Variants in PEBP4 observed in about 807,000 individuals in gnomAD.
The protein encoded by PEBP4 is phosphatidylethanolamine-binding protein 4.
In PEBP4, 22 loss-of-function variants were observed where a neutral mutation model predicts 23.9. The observed-to-expected ratio is 0.92, with a 90% CI of 0.66 to 1.31. The LOEUF is 1.31. Ranked by LOEUF, PEBP4 falls within the 40% of genes most tolerant of loss-of-function variation. The pLI, the probability that PEBP4 is intolerant of heterozygous loss-of-function variation, is 0.00. For missense variants in PEBP4, 324 were observed against 281.7 expected, an observed-to-expected ratio of 1.15 and a Z score of -1.07; for synonymous variants, 112 against 99.3, an observed-to-expected ratio of 1.13 and a Z score of -0.76.
At chr8:22,723,626 T>A (rs1227171057) in intron 6 of PEBP4, among the ~76,000 whole-genome samples, 2 of 152,242 alleles carry the variant, frequency 1.3e-5, no homozygotes, top group Non-Finnish European at 2.9e-5. Flanking sequence ...TTTCTTGGTC[T>A]GGGCAAGATA....
chr8:22,893,894 C>T (rs1401558571), intron 3 of PEBP4, among the ~76,000 whole-genome samples: 1 of 152,054 alleles, frequency 6.6e-6, no homozygotes, highest in African/African-American at 2.4e-5. Flanking sequence ...TATTAGAAGA[C>T]ATAATGGCTG....
At position 22,844,049 on chromosome 8, in the gene PEBP4, G is replaced by C. The variant is rs367888864; in HGVS notation, c.259-26314C>G. Among the ~76,000 whole-genome samples the C allele has an allele frequency of 4.6e-5, 7 of 152,138 alleles. No individual in the cohort carries two copies. In the South Asian group the frequency reaches 6.2e-4, roughly 14 times the overall value. On this transcript the variant is annotated intron_variant, in intron 3 of 6. Coordinates refer to ENST00000256404, the MANE Select transcript of PEBP4 (RefSeq NM_144962.3). ...AATACCACTACTGAAATAATAACTG[G>C]AGTGCTCATATTGTCACAGAAGTAA...
intron 4 of PEBP4, among the ~76,000 whole-genome samples, chr8:22,781,291 G>C (rs1025992791): frequency 6.6e-6 from 1 of 152,130 alleles, no homozygotes; most frequent in Non-Finnish European, 1.5e-5. Context: ...AGGGAGTTCC[G>C]GGAGAGCCGG....
intron 4 of PEBP4, among the ~76,000 whole-genome samples, chr8:22,783,480 C>T (rs1452752791): frequency 2.0e-5 from 3 of 152,196 alleles, no homozygotes; most frequent in Admixed American, 6.5e-5. Flanking sequence ...TGCTCCTGTG[C>T]GTACCCAGTG....
intron 4 of PEBP4, among the ~76,000 whole-genome samples, chr8:22,730,637 A>G (rs556286684): frequency 9.8e-5 from 15 of 152,320 alleles, no homozygotes; most frequent in African/African-American, 3.1e-4. Context: ...TTCAGGAGGT[A>G]AGAGGGAGAA....
chr8:22,751,612 G>C (rs56273300), intron 4 of PEBP4, among the ~76,000 whole-genome samples: 776 of 74,558 alleles, frequency 0.01, 7 homozygotes, highest in African/African-American at 0.027. Context: ...GTGTGTGTCT[G>C]TGTGTGTGTG....
In PEBP4 at chr8:22,875,988, C is replaced by A. The variant is rs577213526; in HGVS notation, c.258+44196G>T. On this transcript the variant is annotated intron_variant, in intron 3 of 6. Coordinates refer to ENST00000256404, the MANE Select transcript of PEBP4 (RefSeq NM_144962.3). ...GCAGTAGTGTGATCTTGGCTCACTGCAACCTCAGCCTTCCAGGTTCAAGTG... is the reference window on the plus strand; with the variant it reads ...GCAGTAGTGTGATCTTGGCTCACTGAAACCTCAGCCTTCCAGGTTCAAGTG... Among the ~76,000 whole-genome samples, 2 of 152,230 alleles carry A rather than the reference C, an allele frequency of 1.3e-5. 1 individual carries two copies. Among genetic ancestry groups the A allele is most frequent in the South Asian group, 4.1e-4 (2 of 4,824 alleles).
chr8:22,873,879 C>G (rs1808062822), intron 3 of PEBP4, among the ~76,000 whole-genome samples: 2 of 152,078 alleles, frequency 1.3e-5, no homozygotes, highest in Non-Finnish European at 2.9e-5. Flanking sequence ...AAGAGTTCCC[C>G]CAGTGTGTGA....
At chr8:22,940,453 G>GAAA (rs1229296396) in intron 1 of PEBP4, among the ~76,000 whole-genome samples, 1 of 148,920 alleles carries the variant, frequency 6.7e-6, no homozygotes, top group African/African-American at 2.5e-5. Context: ...ACGCTAGAGT[G>GAAA]AAAAAATTGG....
At chr8:22,744,212 C>G (rs1232576142) in intron 4 of PEBP4, among the ~76,000 whole-genome samples, 1 of 152,224 alleles carries the variant, frequency 6.6e-6, no homozygotes, top group Non-Finnish European at 1.5e-5. Context: ...TTGCCATAGA[C>G]AAGCCCCTGG....
chr8:22,917,375 G>T (rs1167836183), intron 3 of PEBP4, among the ~76,000 whole-genome samples: 1 of 152,112 alleles, frequency 6.6e-6, no homozygotes, highest in Non-Finnish European at 1.5e-5. Flanking sequence ...CTCCCTTAAG[G>T]GAAGCTCCAA....
chr8:22,772,967 C>G (rs1352659074), intron 4 of PEBP4, among the ~76,000 whole-genome samples: 8 of 152,304 alleles, frequency 5.3e-5, no homozygotes, highest in African/African-American at 1.9e-4. Context: ...AACAGGGGCC[C>G]TCTCTTTAAA....
Position 22,730,443 on chromosome 8 carries a change from A to G in PEBP4, c.358-3223T>C, listed in dbSNP as rs969336450. Among the ~76,000 whole-genome samples the G allele has an allele frequency of 5.9e-5, 9 of 152,350 alleles. No individual in the cohort carries two copies. The East Asian group carries it at 1.7e-3, about 29-fold the overall frequency. The stretch of plus-strand genomic sequence containing the variant: ...GTAGTCTCAGCTATTCAGGGGACTG[A>G]GCTGGGAGGATCACCTGAGCCCAGG... On this transcript the variant is annotated intron_variant, in intron 4 of 6. Coordinates refer to ENST00000256404, the MANE Select transcript of PEBP4 (RefSeq NM_144962.3).
At chr8:22,873,200 C>T (rs1475343488) in intron 3 of PEBP4, among the ~76,000 whole-genome samples, 1 of 152,086 alleles carries the variant, frequency 6.6e-6, no homozygotes, top group Non-Finnish European at 1.5e-5. Flanking sequence ...CTTTTTAAAC[C>T]CATTAGAGTC....
intron 4 of PEBP4, among the ~76,000 whole-genome samples, chr8:22,814,319 A>G (rs1475950045): frequency 1.3e-5 from 2 of 152,170 alleles, no homozygotes; most frequent in African/African-American, 2.4e-5. Flanking sequence ...TTCTATATAT[A>G]TTTCTTGAAT....
rs145022634 is a variant in PEBP4 at position 22,802,270 on chromosome 8, G to C, written c.357+15367C>G. Reference sequence around the variant, plus strand: ...CTCCACCGTGGTCTTTCTGGGTGGAGGTTGGCAGGGGAGCCCCAAGAAGCC... The same window carrying C: ...CTCCACCGTGGTCTTTCTGGGTGGACGTTGGCAGGGGAGCCCCAAGAAGCC... On this transcript the variant is annotated intron_variant, in intron 4 of 6. Transcript: ENST00000256404. Among the ~76,000 whole-genome samples the C allele has an allele frequency of 9.6e-3, 1,466 of 152,328 alleles. 21 individuals carry two copies. The highest frequency in any genetic ancestry group is 0.061 in the South Asian group (297 of 4,830).
At chr8:22,760,230 A>G (rs1164443419) in intron 4 of PEBP4, among the ~76,000 whole-genome samples, 3 of 152,112 alleles carry the variant, frequency 2.0e-5, no homozygotes, top group African/African-American at 7.2e-5. Context: ...CAGTTAAATC[A>G]CCTGCCCAAG....
At chr8:22,885,935 G>A (rs111396924) in intron 3 of PEBP4, 2 of 152,148 alleles carry the variant, frequency 1.3e-5, no homozygotes, top group Non-Finnish European at 2.9e-5. Context: ...CGCCTGCAGG[G>A]TTGACTTATG....
chr8:22,855,946 G>T (rs932037798), intron 3 of PEBP4, among the ~76,000 whole-genome samples: 2 of 150,900 alleles, frequency 1.3e-5, no homozygotes, highest in South Asian at 2.1e-4. Context: ...GGAGGCTGAG[G>T]CAGGAGGAGG....
Sources: gnomAD v4.1 joint callset for allele counts (sites outside exome capture counted in the v4.1 genomes callset) on GRCh38, gnomAD v4.1.1 for gene constraint, MANE v1.5 for transcripts, NCBI Gene and HGNC (gene_info 2026-07-23, HGNC 2026-07-21) for gene names.